The following ARHGEF17 variants were observed in gnomAD, a reference collection of about 807,000 sequenced individuals.
The protein encoded by ARHGEF17 is Rho guanine nucleotide exchange factor 17.
ARHGEF17 carries 80 observed loss-of-function variants against 174.0 expected under a neutral mutation model. The observed-to-expected ratio is 0.46, with a 90% CI of 0.38 to 0.55. ARHGEF17 has a LOEUF of 0.55. Ranked by LOEUF, ARHGEF17 falls within the 20% of genes least tolerant of loss-of-function variation. The pLI is 0.00. For missense variants in ARHGEF17, 2,886 were observed against 2,839.7 expected (o/e 1.02, Z -0.37); for synonymous variants, 1,311 against 1,189.1 (o/e 1.10, Z -2.11).
chr11:73,347,169 C>A, intron 2 of ARHGEF17: 1 of 671,808 alleles, frequency 1.5e-6, no homozygotes, highest in Non-Finnish European at 2.7e-6. Context: ...TGCAGAGGGG[C>A]CAGGCCACCC....
At chr11:73,336,352 A>G (rs974532215) in intron 1 of ARHGEF17, among the ~76,000 whole-genome samples, 3 of 152,242 alleles carry the variant, frequency 2.0e-5, no homozygotes, top group African/African-American at 7.2e-5. Flanking sequence ...CCAGCTGTAT[A>G]CATGAGCTCC....
Position 73,357,346 on chromosome 11 carries a change from G to C in ARHGEF17, c.4087+19G>C, listed in dbSNP as rs1256022499. On this transcript the variant is annotated intron_variant, in intron 9 of 20. Coordinates refer to ENST00000263674, the MANE Select transcript of ARHGEF17 (RefSeq NM_014786.4). Reference sequence around the variant, plus strand: ...ATCAAAGGTGGGTTTGATGCTAGGGGTTCTGGGTGTTGGGGTCTTCCTCTG... The same window carrying C: ...ATCAAAGGTGGGTTTGATGCTAGGGCTTCTGGGTGTTGGGGTCTTCCTCTG... 1 of 1,606,770 alleles carries C rather than the reference G, an allele frequency of 6.2e-7. No homozygotes were observed. Among genetic ancestry groups the C allele is most frequent in the African/African-American group, 1.3e-5 (1 of 74,770 alleles).
rs375699208 is a variant in ARHGEF17 at position 73,311,716 on chromosome 11, C to G, written c.3078C>G (p.Asp1026Glu). 2 of 1,613,336 alleles carry G rather than the reference C, an allele frequency of 1.2e-6. No homozygotes were observed. Among genetic ancestry groups the G allele is most frequent in the Non-Finnish European group, 8.5e-7 (1 of 1,180,038 alleles). ...AGGTCCCTGCCCCAGTGCCAGTGGA[C>G]ATGCCCTGCTTGCCTCTGGCTGCAC... ...SGEVPAPVPV[D>E]MPCLPLAAPP... The change falls in exon 1 of 21, where the codon GAC (aspartate) becomes GAG (glutamate). Residue 1026 changes from aspartate (D) to glutamate (E), a missense_variant. By Grantham distance (45) the Asp-to-Glu change is conservative (BLOSUM62 2). This residue lies in a region of ARHGEF17 where 1,728 missense variants were observed against 1,461.2 expected (regional missense o/e 1.18). Transcript: ENST00000263674.
chr11:73,318,674 C>T (rs1405399464), intron 1 of ARHGEF17, among the ~76,000 whole-genome samples: 1 of 152,186 alleles, frequency 6.6e-6, no homozygotes. Context: ...CCTATGGTTT[C>T]TTTCCAGTGG....
chr11:73,318,698 C>T (rs777140925), intron 1 of ARHGEF17, among the ~76,000 whole-genome samples: 4 of 152,168 alleles, frequency 2.6e-5, no homozygotes, highest in Non-Finnish European at 4.4e-5. Context: ...TTGAAGAAGC[C>T]GCCAGGCAGG....
At position 73,309,314 on chromosome 11, in the gene ARHGEF17, G is replaced by C. The variant is rs774953746; in HGVS notation, c.676G>C (p.Gly226Arg). 9.3e-6 allele frequency: 15 copies of C among 1,605,392 alleles called. No homozygotes were observed. The highest frequency in any genetic ancestry group is 1.4e-5 in the African/African-American group (1 of 69,636). The change falls in exon 1 of 21, where the codon GGG (glycine) becomes CGG (arginine). Residue 226 changes from glycine to arginine, a missense_variant. Gly to Arg is a moderately radical substitution (Grantham distance 125). Transcript: ENST00000263674. ...SWHIFSQPQA[G>R]ARASCSSSSI... ...GCATATCTTCTCCCAACCGCAGGCC[G>C]GGGCCCGGGCCTCCTGCTCCTCCTC...
intron 3 of ARHGEF17, among the ~76,000 whole-genome samples, chr11:73,354,047 A>G (rs1282979957): frequency 2.6e-5 from 4 of 152,258 alleles, no homozygotes. Flanking sequence ...AAATTTTACA[A>G]GTGAAAAATT....
At position 73,361,092 on chromosome 11, in the gene ARHGEF17, C is replaced by A; in HGVS notation, c.4425C>A (p.Ser1475=). The change falls in exon 12 of 21, where the codon TCC becomes TCA. Residue 1475 remains serine, a synonymous_variant. Coordinates refer to ENST00000263674, the MANE Select transcript of ARHGEF17 (RefSeq NM_014786.4). ...AFDEAKRKLA[S]SKSCLDPEFL... is the part of the protein sequence containing the mutation. ...GTCTGTCCATCTCCACTACAGCATC[C>A]AGCAAAAGCTGTCTAGACCCTGAGT... is the stretch of plus-strand genomic sequence containing the variant. The A allele has an allele frequency of 6.2e-7, 1 of 1,613,934 alleles. No homozygotes were observed. Among genetic ancestry groups the A allele is most frequent in the Non-Finnish European group, 8.5e-7 (1 of 1,179,866 alleles).
chr11:73,360,195 C>T (rs2134420392), intron 10 of ARHGEF17, 125 bp from the exon 11 acceptor site: 4 of 1,118,536 alleles, frequency 3.6e-6, no homozygotes, highest in East Asian at 2.4e-5. Flanking sequence ...CAAAGGAATC[C>T]AGGTCTGAGG....
chr11:73,341,832 G>A (rs1865374341), intron 1 of ARHGEF17, among the ~76,000 whole-genome samples: 1 of 152,220 alleles, frequency 6.6e-6, no homozygotes, highest in Admixed American at 6.5e-5. Context: ...AAGCAGGTTT[G>A]GGAGAAGGAG....
chr11:73,359,339 G>A (rs920424108), intron 9 of ARHGEF17, among the ~76,000 whole-genome samples: 3 of 152,344 alleles, frequency 2.0e-5, no homozygotes, highest in South Asian at 4.1e-4. Flanking sequence ...GCGGCAGGCC[G>A]TCTGCAGGAC....
chr11:73,362,343 G>A (rs1364017676), intron 13 of ARHGEF17, 90 bp from the exon 14 acceptor site: 2 of 1,444,914 alleles, frequency 1.4e-6, no homozygotes, highest in African/African-American at 1.4e-5. Context: ...GGCGGGGCCC[G>A]GCGAGTGTGG....
chr11:73,319,143 A>G (rs1388624719), intron 1 of ARHGEF17, among the ~76,000 whole-genome samples: 1 of 148,944 alleles, frequency 6.7e-6, no homozygotes, highest in South Asian at 2.1e-4. Flanking sequence ...AGCTCACTGC[A>G]ACCTCCACTT....
intron 18 of ARHGEF17, chr11:73,364,815 G>T: frequency 1.7e-6 from 1 of 580,614 alleles, no homozygotes; most frequent in Non-Finnish European, 2.8e-6. Flanking sequence ...ATATACATTA[G>T]GAATCTTATT....
chr11:73,308,715 C>A lies in ARHGEF17; in HGVS notation c.77C>A (p.Pro26His). 6.6e-7 allele frequency: 1 copy of A among 1,514,786 alleles called. No homozygotes were observed. The highest frequency in any genetic ancestry group is 2.8e-5 in the East Asian group (1 of 35,316). The allele number at this position is 1,514,786 out of a possible 1,614,324, so 93.8% of individuals were successfully genotyped here. ...CTGCTGGAGCGCTGGAGCGGCGGCC[C>A]CGGGCTGAGGGAGGAGGACACGGAC... is the stretch of plus-strand genomic sequence containing the variant. The part of the protein sequence containing the change: ...FKLLERWSGG[P>H]GLREEDTDTP... Residue 26 changes from proline to histidine, a missense_variant, in exon 1 of 21, where the codon CCC (proline) becomes CAC (histidine). By Grantham distance (77) the Pro-to-His change is moderately conservative. Around this residue, in one of 4 missense-constraint regions of ARHGEF17, gnomAD observed 1,728 missense variants for 1,461.2 expected, o/e 1.18. Transcript: ENST00000263674.
intron 20 of ARHGEF17, among the ~76,000 whole-genome samples, chr11:73,367,363 G>GA (rs1360874091): frequency 6.6e-6 from 1 of 152,236 alleles, no homozygotes; most frequent in Non-Finnish European, 1.5e-5. Context: ...GAAATTATGT[G>GA]ACTCCTGACT....
At chr11:73,318,812 CT>C (rs905849068) in intron 1 of ARHGEF17, among the ~76,000 whole-genome samples, 3 of 152,246 alleles carry the variant, frequency 2.0e-5, no homozygotes, top group Admixed American at 6.5e-5. Context: ...CAGTAGCAAA[CT>C]ACACACATCT....
Position 73,308,644 on chromosome 11 carries a change from G to A in ARHGEF17, c.6G>A (p.Ala2=), listed in dbSNP as rs1025697396. Residue 2 remains alanine, a synonymous_variant, in exon 1 of 21, where the codon GCG becomes GCA. Coordinates refer to ENST00000263674, the MANE Select transcript of ARHGEF17 (RefSeq NM_014786.4). ...CCGGAGTGAGTTACGCCACTATGGC[G>A]GACGGGGCACCCCGGCCCCAGCTTT... M[A]DGAPRPQLYR... is the part of the protein sequence containing the mutation. 6.0e-6 allele frequency: 9 copies of A among 1,496,532 alleles called. No homozygotes were observed. In the African/African-American group the frequency reaches 8.8e-5, roughly 15 times the overall value. 92.7% of individuals were successfully genotyped at this position (1,496,532 alleles called of 1,614,324 possible).
chr11:73,335,626 C>T (rs968109117), intron 1 of ARHGEF17, among the ~76,000 whole-genome samples: 1 of 152,160 alleles, frequency 6.6e-6, no homozygotes, highest in Admixed American at 6.5e-5. Flanking sequence ...CCATGTGGGC[C>T]TCTGCTGCCA....
Sources: allele counts gnomAD v4.1 joint callset (sites outside exome capture counted in the v4.1 genomes callset), GRCh38; gene constraint gnomAD v4.1.1; regional missense constraint gnomAD v4.1.1; transcripts MANE v1.5; gene names NCBI Gene and HGNC (gene_info 2026-07-23, HGNC 2026-07-21).